PLEKHA5: variants seen among roughly 807,000 people sequenced by gnomAD.
PLEKHA5 encodes the protein pleckstrin homology domain containing A5, also known as pleckstrin homology domain-containing family A member 5.
A neutral mutation model predicts 181.9 loss-of-function variants in PLEKHA5; 55 were observed. That is an observed-to-expected ratio of 0.30 (90% CI 0.24 to 0.38). PLEKHA5 has a LOEUF of 0.38. PLEKHA5 is among the 10% of genes least tolerant of loss of function. The probability of loss-of-function intolerance (pLI) is 1.00; values close to 1 mark genes in which losing one functional copy is unlikely to be tolerated. For synonymous variants in PLEKHA5, 535 were observed against 529.4 expected (o/e 1.01, Z -0.15); for missense variants, 1,432 against 1,549.5 (o/e 0.92, Z 1.27).
intron 1 of PLEKHA5, 30 bp downstream of exon 1, chr12:19,129,918 G>A: frequency 6.3e-7 from 1 of 1,576,604 alleles, no homozygotes; most frequent in South Asian, 1.1e-5. Context: ...ACGGGGGCCC[G>A]CGGGGGCGGG....
At chr12:19,205,419 C>A (rs537013792) in intron 3 of PLEKHA5, 20 of 979,112 alleles carry the variant, frequency 2.0e-5, no homozygotes, top group Non-Finnish European at 2.3e-5. Context: ...GAAAAGAACA[C>A]AGATTTTTAG....
At chr12:19,229,210 G>A (rs1440863570) in intron 3 of PLEKHA5, among the ~76,000 whole-genome samples, 1 of 152,150 alleles carries the variant, frequency 6.6e-6, no homozygotes, top group African/African-American at 2.4e-5. Context: ...GCAGGCAGAT[G>A]GTCTTGGTTA....
rs74632524 is a variant in PLEKHA5, at chr12:19,301,210, A to G, written c.2037+9513A>G. On this transcript the variant is annotated intron_variant, in intron 15 of 31. Coordinates refer to ENST00000429027, the MANE Select transcript of PLEKHA5 (RefSeq NM_001256470.2). ...AGATTTATCCATGGCAAGAACAAGT[A>G]CCTTTTTGACTAACAGAGATGTAAG... is the stretch of plus-strand genomic sequence containing the variant. Among the ~76,000 whole-genome samples, 1,232 of 152,248 alleles carry G rather than the reference A, an allele frequency of 8.1e-3. 19 individuals carry two copies. The highest frequency in any genetic ancestry group is 0.028 in the African/African-American group (1,162 of 41,540).
At chr12:19,227,454 C>T (rs1321134157) in intron 3 of PLEKHA5, among the ~76,000 whole-genome samples, 1 of 152,102 alleles carries the variant, frequency 6.6e-6, no homozygotes, top group African/African-American at 2.4e-5. Flanking sequence ...TTTATTCTTT[C>T]AAGTAAAGCA....
At chr12:19,142,677 A>G (rs1036720586) in intron 3 of PLEKHA5, among the ~76,000 whole-genome samples, 3 of 152,194 alleles carry the variant, frequency 2.0e-5, no homozygotes, top group Non-Finnish European at 2.9e-5. Context: ...TCAAATTCAC[A>G]TATCCACCTA....
intron 3 of PLEKHA5, among the ~76,000 whole-genome samples, chr12:19,253,064 C>CTTTTTTTTATTTTTTTTTT (rs2065790568): frequency 2.2e-5 from 1 of 45,832 alleles, no homozygotes; most frequent in Non-Finnish European, 4.6e-5. Context: ...ATCAACTTAC[C>CTTTTTTTTATTTTTTTTTT]TTTTTTTTTT....
At chr12:19,158,354 A>G (rs2042246054) in intron 3 of PLEKHA5, among the ~76,000 whole-genome samples, 1 of 150,886 alleles carries the variant, frequency 6.6e-6, no homozygotes, top group African/African-American at 2.5e-5. Context: ...CTCCGACTCA[A>G]AAAAAAAAAT....
At chr12:19,148,909 C>T (rs1276008674) in intron 3 of PLEKHA5, among the ~76,000 whole-genome samples, 1 of 152,080 alleles carries the variant, frequency 6.6e-6, no homozygotes, top group African/African-American at 2.4e-5. Context: ...CTCCATTATT[C>T]TTATGAAAGT....
At chr12:19,201,937 C>A in intron 3 of PLEKHA5, 1 of 382,360 alleles carries the variant, frequency 2.6e-6, no homozygotes. Flanking sequence ...TACACTTAAC[C>A]ATAGGTGGGT....
At chr12:19,327,892 A>G (rs1449089020) in intron 20 of PLEKHA5, among the ~76,000 whole-genome samples, 8 of 152,044 alleles carry the variant, frequency 5.3e-5, no homozygotes, top group Non-Finnish European at 1.0e-4. Flanking sequence ...TGATCTGCCC[A>G]CTTTGGTCTC....
intron 3 of PLEKHA5, among the ~76,000 whole-genome samples, chr12:19,225,259 A>G (rs1437528658): frequency 6.6e-6 from 1 of 152,094 alleles, no homozygotes. Context: ...GAGATGATAA[A>G]CCATTGCCTA....
intron 23 of PLEKHA5, among the ~76,000 whole-genome samples, chr12:19,346,594 C>T (rs931082171): frequency 6.6e-6 from 1 of 152,144 alleles, no homozygotes; most frequent in Non-Finnish European, 1.5e-5. Flanking sequence ...TATGTATGAT[C>T]AAATCACTGC....
At chr12:19,134,659 TA>T (rs2035071186) in intron 3 of PLEKHA5, among the ~76,000 whole-genome samples, 1 of 152,166 alleles carries the variant, frequency 6.6e-6, no homozygotes, top group Non-Finnish European at 1.5e-5. Flanking sequence ...TCTAATAGGA[TA>T]GGGGCACTAC....
At chr12:19,261,877 A>G (rs2068618655) in intron 7 of PLEKHA5, among the ~76,000 whole-genome samples, 1 of 152,216 alleles carries the variant, frequency 6.6e-6, no homozygotes, top group Non-Finnish European at 1.5e-5. Flanking sequence ...GAAGCATTGT[A>G]ATACATATTA....
intron 31 of PLEKHA5, among the ~76,000 whole-genome samples, chr12:19,370,376 CA>C (rs1252769935): frequency 6.6e-6 from 1 of 152,200 alleles, no homozygotes; most frequent in African/African-American, 2.4e-5. Flanking sequence ...CTTTCTTGAA[CA>C]ATGTTCCTTA....
intron 3 of PLEKHA5, among the ~76,000 whole-genome samples, chr12:19,140,506 A>G (rs2036947116): frequency 6.6e-6 from 1 of 152,208 alleles, no homozygotes; most frequent in Non-Finnish European, 1.5e-5. Flanking sequence ...TATGCTCTGA[A>G]GTGACCAGTA....
At chr12:19,271,725 A>G (rs1346624114) in intron 10 of PLEKHA5, among the ~76,000 whole-genome samples, 1 of 152,184 alleles carries the variant, frequency 6.6e-6, no homozygotes, top group Non-Finnish European at 1.5e-5. Context: ...GATGATAAAG[A>G]TGGCAATTAT....
chr12:19,345,806 T>C (rs2094296283), intron 22 of PLEKHA5, 36 bp from the exon 23 acceptor site: 1 of 1,003,560 alleles, frequency 1.0e-6, no homozygotes, highest in African/African-American at 1.6e-5. Context: ...ATTAGAAAGA[T>C]ATGTTTAATA....
At chr12:19,363,069 GT>G (rs2153234406) in intron 29 of PLEKHA5, among the ~76,000 whole-genome samples, 1 of 151,796 alleles carries the variant, frequency 6.6e-6, no homozygotes, top group South Asian at 2.1e-4. Flanking sequence ...TCTCATAAGA[GT>G]TCCAGAAATT....
Sources: allele counts gnomAD v4.1 joint callset (sites outside exome capture counted in the v4.1 genomes callset), GRCh38; gene constraint gnomAD v4.1.1; transcripts MANE v1.5; gene names NCBI Gene and HGNC (gene_info 2026-07-23, HGNC 2026-07-21).